KIAA1217: variants seen among roughly 807,000 people sequenced by gnomAD.
The protein encoded by KIAA1217 is KIAA1217, also known as sickle tail protein homolog.
KIAA1217 carries 88 observed loss-of-function variants against 163.9 expected under a neutral mutation model. The observed-to-expected ratio is 0.54, with a 90% CI of 0.45 to 0.64. The LOEUF (loss-of-function observed/expected upper bound fraction) is 0.64. Among genes scored for constraint, KIAA1217 ranks in the 30% least tolerant of loss-of-function variants. KIAA1217 has a pLI of 0.00. For missense variants in KIAA1217, 2,372 were observed against 2,475.0 expected (o/e 0.96, Z 0.88); for synonymous variants, 903 against 923.1 (o/e 0.98, Z 0.39).
At chr10:24,224,972 G>T (rs549901684) in intron 2 of KIAA1217, among the ~76,000 whole-genome samples, 37 of 151,524 alleles carry the variant, frequency 2.4e-4, no homozygotes, top group Non-Finnish European at 5.2e-4. Flanking sequence ...GACTACAGGC[G>T]CCCACCACCA....
chr10:24,335,294 GTT>G (rs57833930), intron 2 of KIAA1217, among the ~76,000 whole-genome samples: 1 of 139,628 alleles, frequency 7.2e-6, no homozygotes, highest in African/African-American at 2.6e-5. Flanking sequence ...GGCAAGGAGG[GTT>G]TTTTTTTTTT....
intron 2 of KIAA1217, among the ~76,000 whole-genome samples, chr10:24,161,249 A>G (rs148612966): frequency 6.6e-6 from 1 of 152,244 alleles, no homozygotes; most frequent in Non-Finnish European, 1.5e-5. Context: ...TGTTAAGAAC[A>G]GAGAGCAAGT....
intron 5 of KIAA1217, among the ~76,000 whole-genome samples, chr10:24,443,092 G>A (rs1459155692): frequency 4.6e-5 from 7 of 151,986 alleles, no homozygotes; most frequent in African/African-American, 1.7e-4. Flanking sequence ...TGTATTTTTA[G>A]AAGAAATGGG....
At chr10:24,316,316 G>A (rs2043364563) in intron 2 of KIAA1217, among the ~76,000 whole-genome samples, 1 of 152,170 alleles carries the variant, frequency 6.6e-6, no homozygotes. Context: ...TTATCTAACT[G>A]TCCTGTCCCA....
chr10:23,701,299 A>T (rs1250714240), intron 1 of KIAA1217, among the ~76,000 whole-genome samples: 4 of 152,178 alleles, frequency 2.6e-5, no homozygotes, highest in Non-Finnish European at 5.9e-5. Flanking sequence ...GTAGGAAATA[A>T]ATGCATTTAT....
intron 3 of KIAA1217, among the ~76,000 whole-genome samples, chr10:24,398,175 G>A (rs2056082785): frequency 6.6e-6 from 1 of 152,140 alleles, no homozygotes; most frequent in African/African-American, 2.4e-5. Flanking sequence ...TATGTTCTAT[G>A]TATTCTATAC....
chr10:23,942,307 T>C (rs1843808883), intron 1 of KIAA1217, among the ~76,000 whole-genome samples: 1 of 152,152 alleles, frequency 6.6e-6, no homozygotes, highest in African/African-American at 2.4e-5. Context: ...ATGGAAAAGG[T>C]GGTAATAATG....
intron 1 of KIAA1217, among the ~76,000 whole-genome samples, chr10:23,990,703 G>A (rs1026814002): frequency 1.3e-5 from 2 of 152,092 alleles, no homozygotes; most frequent in East Asian, 3.9e-4. Context: ...TATAGGAAGA[G>A]CAAAGAGTCA....
chr10:24,428,793 A>G (rs1168516209), intron 3 of KIAA1217, among the ~76,000 whole-genome samples: 3 of 151,840 alleles, frequency 2.0e-5, no homozygotes, highest in Non-Finnish European at 4.4e-5. Flanking sequence ...TTGAGGCTGC[A>G]GTGAGCTATG....
chr10:23,713,343 C>T (rs967415392), intron 1 of KIAA1217, among the ~76,000 whole-genome samples: 2 of 152,096 alleles, frequency 1.3e-5, no homozygotes, highest in Middle Eastern at 3.2e-3. Context: ...CTTTCAGCTC[C>T]TAGTTACTAA....
At chr10:23,912,515 G>T (rs1842478932) in intron 1 of KIAA1217, among the ~76,000 whole-genome samples, 1 of 151,986 alleles carries the variant, frequency 6.6e-6, no homozygotes, top group South Asian at 2.1e-4. Flanking sequence ...AGTCCCCAGT[G>T]TCTGTTATTA....
intron 1 of KIAA1217, among the ~76,000 whole-genome samples, chr10:23,911,255 G>A (rs1188905250): frequency 6.6e-6 from 1 of 152,138 alleles, no homozygotes; most frequent in Non-Finnish European, 1.5e-5. Flanking sequence ...CCTTGGCACT[G>A]TCTACAAGGC....
At chr10:23,790,424 TATATAC>T (rs1358472836) in intron 1 of KIAA1217, among the ~76,000 whole-genome samples, 2 of 114,396 alleles carry the variant, frequency 1.7e-5, no homozygotes, top group African/African-American at 3.9e-5. Context: ...CATATATACA[TATATAC>T]ATATACATAT....
chr10:24,456,898 C>T (rs2132463412), intron 5 of KIAA1217, among the ~76,000 whole-genome samples: 1 of 152,028 alleles, frequency 6.6e-6, no homozygotes, highest in South Asian at 2.1e-4. Flanking sequence ...AGTCAGGTTT[C>T]ACCACGTTGG....
At position 24,209,240 on chromosome 10, in the gene KIAA1217, C is replaced by T. The variant is rs144874255; in HGVS notation, c.47C>T (p.Ser16Leu). ...AAATGTGAGCCGTGCCTTCCTTACTCAGCAGACAGAAGACAGATGCAGGGT... is the reference window on the plus strand; with the variant it reads ...AAATGTGAGCCGTGCCTTCCTTACTTAGCAGACAGAAGACAGATGCAGGGT... ...SQKCEPCLPY[S>L]ADRRQMQEQG... Residue 16 changes from serine (S) to leucine (L), a missense_variant, in exon 1 of 21, where the codon TCA becomes TTA. By Grantham distance (145) the Ser-to-Leu change is moderately radical (BLOSUM62 -2). Coordinates refer to ENST00000376454, the MANE Select transcript of KIAA1217 (RefSeq NM_019590.5). 2,022 of 1,613,630 alleles carry T rather than the reference C, an allele frequency of 1.3e-3. No individual in the cohort carries two copies. Among genetic ancestry groups the T allele is most frequent in the Non-Finnish European group, 1.6e-3 (1,866 of 1,179,840 alleles).
chr10:23,814,444 C>G (rs1837223723), intron 1 of KIAA1217, among the ~76,000 whole-genome samples: 1 of 152,124 alleles, frequency 6.6e-6, no homozygotes, highest in African/African-American at 2.4e-5. Context: ...CAGCTAAGAG[C>G]ATGCTAGCTT....
chr10:23,890,009 T>G (rs1013187905), intron 1 of KIAA1217, among the ~76,000 whole-genome samples: 1 of 151,744 alleles, frequency 6.6e-6, no homozygotes, highest in Admixed American at 6.6e-5. Flanking sequence ...CTCTAATTCC[T>G]CTAAGATTTT....
chr10:24,255,061 G>T (rs138577864), intron 2 of KIAA1217, among the ~76,000 whole-genome samples: 1 of 152,032 alleles, frequency 6.6e-6, no homozygotes, highest in African/African-American at 2.4e-5. Flanking sequence ...CACCATGTTG[G>T]CCAGGCTGGT....
chr10:24,223,571 T>A (rs1192135356), intron 2 of KIAA1217, among the ~76,000 whole-genome samples: 1 of 152,162 alleles, frequency 6.6e-6, no homozygotes, highest in African/African-American at 2.4e-5. Flanking sequence ...TAATACCAGA[T>A]GCTCTTCTGG....
Sources: allele counts gnomAD v4.1 joint callset (sites outside exome capture counted in the v4.1 genomes callset), GRCh38; gene constraint gnomAD v4.1.1; transcripts MANE v1.5; gene names NCBI Gene and HGNC (gene_info 2026-07-23, HGNC 2026-07-21).